The following LRP2 variants were observed in gnomAD, a reference collection of about 807,000 sequenced individuals.
LRP2 encodes LDL receptor related protein 2, also known as low-density lipoprotein receptor-related protein 2.
LRP2 carries 172 observed loss-of-function variants against 531.0 expected under a neutral mutation model. That is an observed-to-expected ratio of 0.32 (90% CI 0.29 to 0.37). The LOEUF is 0.37. LRP2 is among the 10% of genes least tolerant of loss of function. The pLI, the probability that LRP2 is intolerant of heterozygous loss-of-function variation, is 1.00. For missense variants in LRP2, 5,167 were observed against 5,868.3 expected (o/e 0.88, Z 3.90); for synonymous variants, 1,992 against 2,027.6 (o/e 0.98, Z 0.47).
At chr2:169,133,580 C>T (rs1685369233) in intron 76 of LRP2, among the ~76,000 whole-genome samples, 2 of 98,140 alleles carry the variant, frequency 2.0e-5, no homozygotes, top group Admixed American at 1.1e-4. Flanking sequence ...TGCCATATCT[C>T]GAGTTCAAAA....
chr2:169,175,187 A>T lies in LRP2; in HGVS notation c.10768+6T>A. On this transcript the variant is annotated splice_donor_region_variant and intron_variant, in intron 55 of 78. Transcript: ENST00000649046. ...GGAAAAAGAGGCATAAAGCGACTCA[A>T]CACACCACAAAGAAGACGGTCTTCA... 3.1e-6 allele frequency: 5 copies of T among 1,614,140 alleles called. No individual in the cohort carries two copies. The highest frequency in any genetic ancestry group is 3.4e-6 in the Non-Finnish European group (4 of 1,179,996).
chr2:169,295,851 T>C (rs1267211875), intron 4 of LRP2, among the ~76,000 whole-genome samples: 5 of 152,136 alleles, frequency 3.3e-5, no homozygotes, highest in Non-Finnish European at 7.4e-5. Context: ...GTGGATATCT[T>C]CCTTGGTCTG....
chr2:169,343,808 G>T (rs540960861), intron 1 of LRP2, among the ~76,000 whole-genome samples: 2 of 152,288 alleles, frequency 1.3e-5, no homozygotes, highest in African/African-American at 4.8e-5. Context: ...CCAGAATTTT[G>T]CTTGGCAGCC....
In LRP2 at chr2:169,277,911, G is replaced by A. The variant is rs1683597925; in HGVS notation, c.1606C>T (p.Pro536Ser). The A allele has an allele frequency of 1.2e-6, 2 of 1,613,970 alleles. No individual in the cohort carries two copies. Among genetic ancestry groups the A allele is most frequent in the Non-Finnish European group, 1.7e-6 (2 of 1,179,982 alleles). Reference sequence around the variant, plus strand: ...TCCATGAATGCCCTTTCCAGCTTAGGTTCCCCAGAAAGGCTCTCCCAATCT... The same window carrying A: ...TCCATGAATGCCCTTTCCAGCTTAGATTCCCCAGAAAGGCTCTCCCAATCT... ...FSDWESLSGEPKLERAFMDGS... is the reference protein window; with the variant it reads ...FSDWESLSGESKLERAFMDGS... The change falls in exon 13 of 79, where the codon CCT becomes TCT. Residue 536 changes from proline (P) to serine (S), a missense_variant. Physicochemically the swap from Pro to Ser is moderately conservative, Grantham distance 74. Coordinates refer to ENST00000649046, the MANE Select transcript of LRP2 (RefSeq NM_004525.3).
chr2:169,286,244 G>T (rs532782758), intron 9 of LRP2, among the ~76,000 whole-genome samples: 39 of 152,334 alleles, frequency 2.6e-4, no homozygotes, highest in African/African-American at 9.4e-4. Context: ...GTGGCAGGAG[G>T]CCTCATATTC....
chr2:169,257,825 C>A (rs199919430), intron 17 of LRP2, among the ~76,000 whole-genome samples: 4,607 of 132,166 alleles, frequency 0.035, 151 homozygotes, highest in African/African-American at 0.098. Context: ...AAAACAAAAA[C>A]AAAAAAAAAA....
At chr2:169,266,821 T>A (rs999464064) in intron 16 of LRP2, among the ~76,000 whole-genome samples, 1 of 151,698 alleles carries the variant, frequency 6.6e-6, no homozygotes, top group African/African-American at 2.4e-5. Context: ...ATGGCTCTCA[T>A]ACACGTGACA....
intron 32 of LRP2, 25 bp from the exon 33 acceptor site, chr2:169,225,478 G>A (rs757789012): frequency 6.2e-7 from 1 of 1,613,476 alleles, no homozygotes; most frequent in Non-Finnish European, 8.5e-7. Flanking sequence ...AAGGGGAGGT[G>A]AGCAGTTCCA....
At chr2:169,327,029 C>G (rs1258918717) in intron 1 of LRP2, among the ~76,000 whole-genome samples, 2 of 151,480 alleles carry the variant, frequency 1.3e-5, no homozygotes, top group Non-Finnish European at 2.9e-5. Flanking sequence ...GCAGCCACCC[C>G]GTCTGGGAAG....
At chr2:169,176,635 A>AGTGATTCTT in intron 53 of LRP2, 47 bp from the exon 54 acceptor site, 2 of 1,544,488 alleles carry the variant, frequency 1.3e-6, no homozygotes, top group Non-Finnish European at 1.8e-6. Flanking sequence ...GAAAGAGAGT[A>AGTGATTCTT]TCAAGCACAG....
intron 38 of LRP2, among the ~76,000 whole-genome samples, chr2:169,208,460 A>T (rs186984492): frequency 1.3e-5 from 2 of 151,386 alleles, no homozygotes; most frequent in African/African-American, 2.4e-5. Flanking sequence ...CTTTTTTTAA[A>T]TTTTTTTTTA....
At chr2:169,354,261 G>A (rs1203269345) in intron 1 of LRP2, among the ~76,000 whole-genome samples, 1 of 152,182 alleles carries the variant, frequency 6.6e-6, no homozygotes, top group Non-Finnish European at 1.5e-5. Context: ...TGAATCAGTA[G>A]ATCAGTGAGG....
At chr2:169,173,383 A>G (rs765892090) in intron 56 of LRP2, among the ~76,000 whole-genome samples, 159 bp from the exon 57 acceptor site, 2 of 152,260 alleles carry the variant, frequency 1.3e-5, no homozygotes, top group Non-Finnish European at 2.9e-5. Context: ...TCTGTTTACC[A>G]TGAGCAGAAA....
chr2:169,204,587 A>G (rs1483132669), intron 41 of LRP2, among the ~76,000 whole-genome samples: 1 of 152,138 alleles, frequency 6.6e-6, no homozygotes, highest in Non-Finnish European at 1.5e-5. Context: ...CACATAGCAG[A>G]CTCTCAATAA....
At chr2:169,260,653 C>G (rs1352466298) in intron 16 of LRP2, among the ~76,000 whole-genome samples, 1 of 151,968 alleles carries the variant, frequency 6.6e-6, no homozygotes, top group Admixed American at 6.6e-5. Context: ...GAAAGGCTTG[C>G]TTGGTCTTTC....
At chr2:169,338,851 A>G (rs552974761) in intron 1 of LRP2, among the ~76,000 whole-genome samples, 1 of 152,324 alleles carries the variant, frequency 6.6e-6, no homozygotes, top group Non-Finnish European at 1.5e-5. Flanking sequence ...CTAGTCATAT[A>G]CTAGGGATTC....
chr2:169,205,401 A>G (rs1037763600), intron 41 of LRP2, 78 bp downstream of exon 41: 22 of 1,470,310 alleles, frequency 1.5e-5, no homozygotes, highest in East Asian at 2.3e-5. Context: ...TTTTCATCAC[A>G]TGATGCAAAT....
At chr2:169,300,881 A>G (rs1248992598) in intron 4 of LRP2, among the ~76,000 whole-genome samples, 1 of 152,132 alleles carries the variant, frequency 6.6e-6, no homozygotes, top group African/African-American at 2.4e-5. Flanking sequence ...ATGCACCCTC[A>G]CAGTCCACAA....
rs537332239 is a variant in LRP2 at position 169,262,759 on chromosome 2, T to C, written c.2321-3542A>G. On this transcript the variant is annotated intron_variant, in intron 16 of 78. Coordinates refer to ENST00000649046, the MANE Select transcript of LRP2 (RefSeq NM_004525.3). Reference sequence around the variant, plus strand: ...GGAAAAAACTACTTTAAAGCTCATATGGAACCAAAAAAGAGCCCGCATCGC... The same window carrying C: ...GGAAAAAACTACTTTAAAGCTCATACGGAACCAAAAAAGAGCCCGCATCGC... 4.2e-3 allele frequency among the ~76,000 whole-genome samples: 629 copies of C among 151,026 alleles called. 3 individuals are homozygous for C. Among genetic ancestry groups the C allele is most frequent in the Non-Finnish European group, 5.9e-3 (399 of 67,506 alleles).
Sources: allele counts gnomAD v4.1 joint callset (sites outside exome capture counted in the v4.1 genomes callset), GRCh38; gene constraint gnomAD v4.1.1; transcripts MANE v1.5; gene names NCBI Gene and HGNC (gene_info 2026-07-23, HGNC 2026-07-21).